The following RFX3 variants were observed in gnomAD, a reference collection of about 807,000 sequenced individuals.
RFX3 encodes the protein regulatory factor X3, also known as transcription factor RFX3.
Under a neutral mutation model 98.6 loss-of-function variants are expected in RFX3, and 14 were observed. The ratio of observed to expected loss-of-function variants is 0.14; its 90% confidence interval spans 0.09 to 0.22. The LOEUF (loss-of-function observed/expected upper bound fraction) is 0.22, where lower values mean the gene tolerates loss of function less well. RFX3 is among the 10% of genes least tolerant of loss of function. The pLI, the probability that RFX3 is intolerant of heterozygous loss-of-function variation, is 1.00. For missense variants in RFX3, 639 were observed against 926.9 expected, an observed-to-expected ratio of 0.69 and a Z score of 4.03; for synonymous variants, 383 against 328.4, an observed-to-expected ratio of 1.17 and a Z score of -1.80.
At chr9:3,251,739 G>A (rs1821431484) in intron 14 of RFX3, among the ~76,000 whole-genome samples, 1 of 152,098 alleles carries the variant, frequency 6.6e-6, no homozygotes, top group South Asian at 2.1e-4. Flanking sequence ...AAACAATACT[G>A]AGTCAGGTGA....
intron 2 of RFX3, among the ~76,000 whole-genome samples, chr9:3,382,268 C>G (rs916974923): frequency 1.3e-5 from 2 of 152,134 alleles, no homozygotes; most frequent in Admixed American, 6.5e-5. Context: ...TTTAAAGCAA[C>G]ATTTAAGAGT....
intron 1 of RFX3, among the ~76,000 whole-genome samples, chr9:3,397,491 C>T (rs1157167744): frequency 1.3e-5 from 2 of 152,108 alleles, no homozygotes; most frequent in African/African-American, 4.8e-5. Context: ...AATTTTCCCC[C>T]AAAACCTTCA....
intron 1 of RFX3, among the ~76,000 whole-genome samples, chr9:3,455,205 G>GGC (rs768401280): frequency 5.9e-5 from 9 of 152,184 alleles, no homozygotes; most frequent in Non-Finnish European, 1.2e-4. Context: ...GGTCTTTAAA[G>GGC]GCTGAGTGGC....
intron 1 of RFX3, among the ~76,000 whole-genome samples, chr9:3,432,779 G>C (rs544521809): frequency 1.3e-5 from 2 of 152,118 alleles, no homozygotes; most frequent in Non-Finnish European, 1.5e-5. Flanking sequence ...ATGGCAGAAG[G>C]GTTCCAATTA....
intron 1 of RFX3, among the ~76,000 whole-genome samples, chr9:3,398,973 C>T (rs1841201978): frequency 7.5e-6 from 1 of 134,120 alleles, no homozygotes; most frequent in African/African-American, 2.8e-5. Flanking sequence ...TTCTTAACAA[C>T]TCCCAATAAG....
At chr9:3,355,335 A>T (rs1457395023) in intron 2 of RFX3, among the ~76,000 whole-genome samples, 1 of 151,840 alleles carries the variant, frequency 6.6e-6, no homozygotes, top group East Asian at 1.9e-4. Flanking sequence ...AAATATACAG[A>T]AACAGGTTAA....
At chr9:3,352,910 C>A (rs373961644) in intron 2 of RFX3, among the ~76,000 whole-genome samples, 1 of 151,872 alleles carries the variant, frequency 6.6e-6, no homozygotes, top group Non-Finnish European at 1.5e-5. Context: ...ATGTTTATTG[C>A]GGCACTATTC....
chr9:3,268,097 C>A (rs1373990366), intron 11 of RFX3, among the ~76,000 whole-genome samples: 1 of 151,830 alleles, frequency 6.6e-6, no homozygotes, highest in Non-Finnish European at 1.5e-5. Context: ...TCTGGTTATA[C>A]TTCCAATTGT....
intron 2 of RFX3, among the ~76,000 whole-genome samples, chr9:3,391,797 G>T (rs1840339476): frequency 1.3e-5 from 2 of 152,108 alleles, no homozygotes; most frequent in Non-Finnish European, 2.9e-5. Flanking sequence ...TACTTAAGAA[G>T]CAATCAGGTT....
intron 2 of RFX3, among the ~76,000 whole-genome samples, chr9:3,366,801 G>A (rs1292274851): frequency 4.2e-5 from 6 of 143,854 alleles, no homozygotes; most frequent in Non-Finnish European, 9.0e-5. Context: ...GTTTCAGTTG[G>A]ATTGCATTGA....
chr9:3,447,597 A>C (rs1846161616), intron 1 of RFX3, among the ~76,000 whole-genome samples: 1 of 152,172 alleles, frequency 6.6e-6, no homozygotes, highest in Admixed American at 6.5e-5. Flanking sequence ...AGGTTAACAA[A>C]AGGAGGTAAC....
At chr9:3,456,945 G>A (rs988102911) in intron 1 of RFX3, among the ~76,000 whole-genome samples, 1 of 151,584 alleles carries the variant, frequency 6.6e-6, no homozygotes, top group Non-Finnish European at 1.5e-5. Context: ...TCAAGAGATC[G>A]AGACCATCCT....
At chr9:3,357,559 T>A (rs1337046951) in intron 2 of RFX3, among the ~76,000 whole-genome samples, 2 of 152,010 alleles carry the variant, frequency 1.3e-5, no homozygotes, top group Non-Finnish European at 2.9e-5. Flanking sequence ...TAATAGCTTA[T>A]ATTACAACCA....
At position 3,510,339 on chromosome 9, in the gene RFX3, CAACA is replaced by C. The variant is rs528297653; in HGVS notation, c.-9+15404_-9+15407del. Among the ~76,000 whole-genome samples the C allele has an allele frequency of 4.0e-3, 604 of 151,866 alleles. 3 individuals carry two copies. The highest frequency in any genetic ancestry group is 0.014 in the African/African-American group (564 of 41,444). ...CATTTCTTGCCCCCCCCAAAAAAAG[CAACA>C]AACAAACAAACAAAACTCTCCTTTA... On this transcript the variant is annotated intron_variant, in intron 1 of 16. Transcript: ENST00000617270.
chr9:3,270,024 A>T (rs1293511465), intron 11 of RFX3, among the ~76,000 whole-genome samples: 6 of 151,630 alleles, frequency 4.0e-5, no homozygotes, highest in African/African-American at 1.5e-4. Context: ...TGGGGCTGTT[A>T]TATCTACAGG....
At chr9:3,281,358 G>T (rs903756089) in intron 7 of RFX3, among the ~76,000 whole-genome samples, 1 of 141,344 alleles carries the variant, frequency 7.1e-6, no homozygotes, top group African/African-American at 2.6e-5. Flanking sequence ...GATTTCCATT[G>T]AAAAAAAAAA....
At chr9:3,476,219 C>A (rs1701684452) in intron 1 of RFX3, among the ~76,000 whole-genome samples, 1 of 150,886 alleles carries the variant, frequency 6.6e-6, no homozygotes, top group African/African-American at 2.4e-5. Context: ...CATATATAAT[C>A]ATGTCTATGT....
chr9:3,455,421 T>G lies in RFX3; in HGVS notation c.-8-59825A>C, dbSNP rs188602178. ...ATCAAATGCTCCTACTATATACTCT[T>G]TCTCATGACACTGTATACTTCTACT... On this transcript the variant is annotated intron_variant, in intron 1 of 16. Transcript: ENST00000617270. Among the ~76,000 whole-genome samples the G allele has an allele frequency of 8.5e-5, 13 of 152,304 alleles. No homozygotes were observed. The East Asian group carries it at 2.3e-3, about 27-fold the overall frequency.
At chr9:3,436,262 C>T (rs1564099076) in intron 1 of RFX3, among the ~76,000 whole-genome samples, 1 of 151,992 alleles carries the variant, frequency 6.6e-6, no homozygotes, top group Non-Finnish European at 1.5e-5. Context: ...TTTCCATTTT[C>T]AGATAGGCTG....
Sources: gnomAD v4.1 joint callset for allele counts (sites outside exome capture counted in the v4.1 genomes callset) on GRCh38, gnomAD v4.1.1 for gene constraint, MANE v1.5 for transcripts, NCBI Gene and HGNC (gene_info 2026-07-23, HGNC 2026-07-21) for gene names.